The following CALN1 variants were observed in gnomAD, a reference collection of about 807,000 sequenced individuals.
CALN1 encodes calneuron 1, also known as calcium-binding protein 8.
In CALN1, 17 loss-of-function variants were observed where a neutral mutation model predicts 30.6. The observed-to-expected ratio is 0.56, with a 90% confidence interval of 0.38 to 0.83. The LOEUF (loss-of-function observed/expected upper bound fraction) is 0.83, where lower values mean the gene tolerates loss of function less well. Among genes scored for constraint, CALN1 ranks in the 40% least tolerant of loss-of-function variants. The pLI, the probability that CALN1 is intolerant of heterozygous loss-of-function variation, is 0.00. For synonymous variants in CALN1, 156 were observed against 131.4 expected, an observed-to-expected ratio of 1.19 and a Z score of -1.28; for missense variants, 291 against 354.9, an observed-to-expected ratio of 0.82 and a Z score of 1.45.
At chr7:71,915,240 A>C (rs1418080980) in intron 5 of CALN1, among the ~76,000 whole-genome samples, 1 of 152,254 alleles carries the variant, frequency 6.6e-6, no homozygotes, top group Non-Finnish European at 1.5e-5. Context: ...ATTAACTCTC[A>C]ACCACACTTG....
the CALN1 span, among the ~76,000 whole-genome samples, chr7:72,501,094 C>G: frequency 1.3e-5 from 2 of 151,938 alleles, no homozygotes; most frequent in South Asian, 4.2e-4. Flanking sequence ...CCATATCTTC[C>G]AAGAAGAGCT....
At chr7:72,088,701 GAAAAAAAA>G (rs71069024) in intron 4 of CALN1, among the ~76,000 whole-genome samples, 1 of 72,470 alleles carries the variant, frequency 1.4e-5, no homozygotes, top group South Asian at 3.4e-4. Flanking sequence ...TCCATCTCAA[GAAAAAAAA>G]AAAAAAAAAG....
At chr7:72,382,004 G>A (rs755166528) in intron 2 of CALN1, among the ~76,000 whole-genome samples, 23 of 152,134 alleles carry the variant, frequency 1.5e-4, no homozygotes, top group Admixed American at 2.6e-4. Context: ...ACAACTTGGC[G>A]AAATCAATGA....
At chr7:72,485,161 C>G in the CALN1 span, among the ~76,000 whole-genome samples, 1,809 of 152,248 alleles carry the variant, frequency 0.012, 34 homozygotes, top group African/African-American at 0.04. Flanking sequence ...AGGCTGAAGA[C>G]AGAAGATGGG....
At chr7:71,904,055 G>A (rs532013871) in intron 5 of CALN1, among the ~76,000 whole-genome samples, 1 of 152,262 alleles carries the variant, frequency 6.6e-6, no homozygotes, top group Admixed American at 6.5e-5. Flanking sequence ...GATAACAAAT[G>A]TTTGGAAGAT....
chr7:72,454,287 G>A, the CALN1 span, among the ~76,000 whole-genome samples: 2 of 152,194 alleles, frequency 1.3e-5, no homozygotes, highest in Non-Finnish European at 2.9e-5. Flanking sequence ...TCTAAGAGAT[G>A]ACTGTGGTGT....
At chr7:72,170,245 C>A (rs1788843896) in intron 3 of CALN1, among the ~76,000 whole-genome samples, 1 of 152,176 alleles carries the variant, frequency 6.6e-6, no homozygotes, top group Non-Finnish European at 1.5e-5. Context: ...CTTCAAGTGG[C>A]TGGGACTACA....
At chr7:72,387,460 G>A (rs981589379) in intron 2 of CALN1, among the ~76,000 whole-genome samples, 5 of 152,198 alleles carry the variant, frequency 3.3e-5, no homozygotes, top group Non-Finnish European at 5.9e-5. Flanking sequence ...GTAACTTCAC[G>A]GTAGAGAAAC....
At chr7:72,406,212 A>C (rs1806683234) in intron 1 of CALN1, among the ~76,000 whole-genome samples, 2 of 152,148 alleles carry the variant, frequency 1.3e-5, no homozygotes, top group African/African-American at 4.8e-5. Flanking sequence ...TAACGAGGGA[A>C]GCCAAGCAGC....
rs1172129558 is a variant in CALN1, at chr7:72,091,225, G to A, written c.388+14926C>T. On this transcript the variant is annotated intron_variant, in intron 4 of 6. Coordinates refer to ENST00000395275, the MANE Select transcript of CALN1 (RefSeq NM_031468.4). ...TGCACACCTGTAATCCTAGCTACTT[G>A]GGAGGCTGAGGCAGGAGAATCGCTG... 2.6e-5 allele frequency among the ~76,000 whole-genome samples: 4 copies of A among 152,260 alleles called. No individual in the cohort carries two copies. In the East Asian group the frequency reaches 7.7e-4, roughly 29 times the overall value.
intron 2 of CALN1, among the ~76,000 whole-genome samples, chr7:72,285,308 G>C (rs766309136): frequency 6.6e-6 from 1 of 152,094 alleles, no homozygotes; most frequent in Admixed American, 6.5e-5. Context: ...GCAGTGGCAC[G>C]ATCTCAGCCA....
chr7:71,960,313 T>C (rs769849050), intron 5 of CALN1, among the ~76,000 whole-genome samples: 1 of 152,122 alleles, frequency 6.6e-6, no homozygotes, highest in East Asian at 1.9e-4. Context: ...ATTTTTCAAA[T>C]CTTACTTCCG....
chr7:71,805,867 AG>A (rs1787576702), intron 6 of CALN1, among the ~76,000 whole-genome samples: 1 of 152,212 alleles, frequency 6.6e-6, no homozygotes, highest in African/African-American at 2.4e-5. Flanking sequence ...GACTGGATAA[AG>A]AAAGTGTGTA....
intron 2 of CALN1, among the ~76,000 whole-genome samples, chr7:72,358,733 G>A (rs537554199): frequency 1.3e-5 from 2 of 152,162 alleles, no homozygotes; most frequent in African/African-American, 2.4e-5. Flanking sequence ...AGCAGATCAC[G>A]AGGTTAGGAG....
chr7:71,921,873 C>T (rs750354462), intron 5 of CALN1, among the ~76,000 whole-genome samples: 3 of 150,838 alleles, frequency 2.0e-5, no homozygotes, highest in African/African-American at 4.9e-5. Flanking sequence ...TCCTGGCCAA[C>T]TCAACTCATC....
intron 3 of CALN1, among the ~76,000 whole-genome samples, chr7:72,264,976 T>C (rs1796512421): frequency 6.6e-6 from 1 of 152,140 alleles, no homozygotes; most frequent in Non-Finnish European, 1.5e-5. Flanking sequence ...CTAAGGATAA[T>C]GGCCTTCAGC....
chr7:72,016,156 G>A lies in CALN1; in HGVS notation c.501+7501C>T, dbSNP rs377297715. Among the ~76,000 whole-genome samples, 26 of 150,984 alleles carry A rather than the reference G, an allele frequency of 1.7e-4. No homozygotes were observed. The East Asian group carries it at 5.0e-3, about 29-fold the overall frequency. On this transcript the variant is annotated intron_variant, in intron 5 of 6. Coordinates refer to ENST00000395275, the MANE Select transcript of CALN1 (RefSeq NM_031468.4). ...CCCAGCTACTTGGGAGGCAGAGGCA[G>A]GAGAATTGCTTGAACCCAGGAGGTG...
At chr7:72,137,573 A>C (rs1809599455) in intron 3 of CALN1, among the ~76,000 whole-genome samples, 1 of 152,220 alleles carries the variant, frequency 6.6e-6, no homozygotes, top group Non-Finnish European at 1.5e-5. Flanking sequence ...AAAAAAACAC[A>C]GTATCTGCAA....
rs1302245793 is a variant in CALN1, at chr7:71,862,186, C to A, written c.502-51694G>T. Reference sequence around the variant, plus strand: ...AAGCAGCTGGGATTCAAGGCTTACGCCCCTTTGAAAAATCTAGGGTGTGGC... The same window carrying A: ...AAGCAGCTGGGATTCAAGGCTTACGACCCTTTGAAAAATCTAGGGTGTGGC... On this transcript the variant is annotated intron_variant, in intron 5 of 6. Transcript: ENST00000395275. 2.6e-5 allele frequency among the ~76,000 whole-genome samples: 4 copies of A among 152,196 alleles called. No individual in the cohort carries two copies. The South Asian group carries it at 6.2e-4, about 24-fold the overall frequency.
Sources: gnomAD v4.1 joint callset for allele counts (sites outside exome capture counted in the v4.1 genomes callset) on GRCh38, gnomAD v4.1.1 for gene constraint, MANE v1.5 for transcripts, NCBI Gene and HGNC (gene_info 2026-07-23, HGNC 2026-07-21) for gene names.